CCDC3: variants seen among roughly 807,000 people sequenced by gnomAD.
CCDC3 encodes coiled-coil domain-containing protein 3.
In CCDC3, 24 loss-of-function variants were observed where a neutral mutation model predicts 21.4. That is an observed-to-expected ratio of 1.12 (90% CI 0.81 to 1.58). The LOEUF is 1.58. Ranked by LOEUF, CCDC3 falls within the 40% of genes most tolerant of loss-of-function variation. The pLI is 0.00. For missense variants in CCDC3, 425 were observed against 360.9 expected (o/e 1.18, Z -1.44); for synonymous variants, 186 against 166.0 (o/e 1.12, Z -0.93).
chr10:13,077,922 G>A (rs1351350304), intron 3 of CCDC3, among the ~76,000 whole-genome samples: 1 of 152,080 alleles, frequency 6.6e-6, no homozygotes, highest in African/African-American at 2.4e-5. Flanking sequence ...GAAAACCTAG[G>A]CAATACCATT....
intron 2 of CCDC3, among the ~76,000 whole-genome samples, chr10:12,973,264 G>T (rs1406444924): frequency 6.6e-6 from 1 of 152,148 alleles, no homozygotes; most frequent in Non-Finnish European, 1.5e-5. Context: ...CAATATCACA[G>T]CATGGTGCAG....
At chr10:12,984,011 CAG>C (rs1220022661) in intron 2 of CCDC3, among the ~76,000 whole-genome samples, 1 of 152,128 alleles carries the variant, frequency 6.6e-6, no homozygotes, top group Non-Finnish European at 1.5e-5. Context: ...CCCCGGGAGA[CAG>C]AGGCTGCATT....
At chr10:12,941,392 A>G (rs955868470) in intron 2 of CCDC3, among the ~76,000 whole-genome samples, 6 of 152,172 alleles carry the variant, frequency 3.9e-5, no homozygotes, top group Admixed American at 1.3e-4. Context: ...TTATTCTTGT[A>G]CTTTCTTTCA....
At position 13,084,751 on chromosome 10, in the gene CCDC3, A is replaced by G. The variant is rs533617345; in HGVS notation, c.-502-10651T>C. On this transcript the variant is annotated intron_variant, in intron 3 of 6. Transcript: ENST00000378839. ...TGAGATGCCCAGAAAGTTGCCAGCA[A>G]TCAGTGGATTACAGAGGTCTGAAGA... Among the ~76,000 whole-genome samples the G allele has an allele frequency of 2.0e-5, 3 of 152,278 alleles. No individual in the cohort carries two copies. In the South Asian group the frequency reaches 6.2e-4, roughly 32 times the overall value.
rs185982279 is a variant in CCDC3 at position 12,931,256 on chromosome 10, C to T, written c.550-32577G>A. Among the ~76,000 whole-genome samples, 253 of 150,452 alleles carry T rather than the reference C, an allele frequency of 1.7e-3. 1 individual carries two copies. The highest frequency in any genetic ancestry group is 5.8e-3 in the African/African-American group (239 of 40,874). On this transcript the variant is annotated intron_variant, in intron 2 of 2. Transcript: ENST00000378825. ...AAAATTAAAGCTCTGACAAGTCTGCCGTATTCATAAGACTTTAGGAATGGT... is the reference window on the plus strand; with the variant it reads ...AAAATTAAAGCTCTGACAAGTCTGCTGTATTCATAAGACTTTAGGAATGGT...
chr10:13,054,118 C>G (rs2782289), intron 4 of CCDC3, among the ~76,000 whole-genome samples: 40,707 of 144,108 alleles, frequency 0.28, 5,855 homozygotes, highest in Admixed American at 0.34. Flanking sequence ...GCACTCTGGC[C>G]TGGGTGACAG....
At chr10:13,080,523 G>A (rs1462231343) in intron 3 of CCDC3, among the ~76,000 whole-genome samples, 2 of 151,972 alleles carry the variant, frequency 1.3e-5, no homozygotes, top group Middle Eastern at 3.2e-3. Flanking sequence ...TTATAAGGAG[G>A]CATAAGAATA....
At chr10:12,932,872 A>G (rs1271000419) in intron 2 of CCDC3, among the ~76,000 whole-genome samples, 1 of 152,182 alleles carries the variant, frequency 6.6e-6, no homozygotes, top group African/African-American at 2.4e-5. Flanking sequence ...TCTCATTAAC[A>G]GGTTTTAGAT....
intron 2 of CCDC3, among the ~76,000 whole-genome samples, chr10:12,908,606 AT>A (rs1474019210): frequency 1.6e-5 from 2 of 121,798 alleles, no homozygotes; most frequent in African/African-American, 3.5e-5. Flanking sequence ...AAGAACTGTG[AT>A]TTTTCTTTTT....
At chr10:12,916,237 G>C (rs11258061) in intron 2 of CCDC3, among the ~76,000 whole-genome samples, 11 of 152,242 alleles carry the variant, frequency 7.2e-5, no homozygotes, top group South Asian at 4.2e-4. Flanking sequence ...ATTGAGACCA[G>C]CCTGGCCAAC....
At chr10:13,025,119 C>T (rs555697377) in intron 5 of CCDC3, among the ~76,000 whole-genome samples, 149 of 152,296 alleles carry the variant, frequency 9.8e-4, no homozygotes, top group African/African-American at 3.5e-3. Context: ...GGGGTTATTA[C>T]ACTTCACATA....
intron 5 of CCDC3, among the ~76,000 whole-genome samples, chr10:13,020,848 CA>C (rs901718364): frequency 1.3e-5 from 2 of 151,194 alleles, no homozygotes; most frequent in South Asian, 2.1e-4. Context: ...AAAGTTTTCA[CA>C]AAAAAAACTT....
intron 2 of CCDC3, among the ~76,000 whole-genome samples, chr10:12,938,239 A>C (rs1468809183): frequency 6.6e-6 from 1 of 152,058 alleles, no homozygotes; most frequent in Admixed American, 6.5e-5. Context: ...AAGCCATCTA[A>C]CTGTATCACC....
intron 2 of CCDC3, among the ~76,000 whole-genome samples, chr10:12,930,631 C>T (rs181994408): frequency 3.3e-5 from 5 of 152,276 alleles, no homozygotes; most frequent in African/African-American, 9.6e-5. Flanking sequence ...CAACCGGTGG[C>T]AATGTCATTG....
chr10:12,990,263 CAAA>C (rs61700228), intron 2 of CCDC3, among the ~76,000 whole-genome samples: 9 of 99,742 alleles, frequency 9.0e-5, no homozygotes, highest in Non-Finnish European at 4.3e-5. Flanking sequence ...CCGTCTCAAC[CAAA>C]AAAAAAAAAA....
rs117760499 is a variant in CCDC3 at position 12,950,567 on chromosome 10, G to A, written c.549+47771C>T. Among the ~76,000 whole-genome samples the A allele has an allele frequency of 3.0e-3, 459 of 152,300 alleles. 14 individuals are homozygous for A. In the East Asian group the frequency reaches 0.057, roughly 19 times the overall value. On this transcript the variant is annotated intron_variant, in intron 2 of 2. Coordinates refer to ENST00000378825, the MANE Select transcript of CCDC3 (RefSeq NM_031455.4). ...GTTCTCTACTGAAACAACATGAAAT[G>A]CTTTCATACTTTGGGGTTGGTGACC...
At chr10:13,057,843 G>T (rs519279) in intron 4 of CCDC3, 118,222 of 359,968 alleles carry the variant, frequency 0.33, 20,680 homozygotes, top group African/African-American at 0.4. Flanking sequence ...ATCCCGCCAT[G>T]GTACTCCAGC....
At chr10:13,094,255 GAT>G (rs1832607444) in intron 3 of CCDC3, among the ~76,000 whole-genome samples, 1 of 140,544 alleles carries the variant, frequency 7.1e-6, no homozygotes, top group Non-Finnish European at 1.5e-5. Context: ...TGATGATGAT[GAT>G]GATGATGATG....
chr10:13,034,284 T>C (rs1038043889), intron 5 of CCDC3, among the ~76,000 whole-genome samples: 9 of 138,066 alleles, frequency 6.5e-5, no homozygotes, highest in African/African-American at 2.5e-4. Flanking sequence ...TAGGTGGGAA[T>C]TGAACAATGA....
Sources: gnomAD v4.1 joint callset for allele counts (sites outside exome capture counted in the v4.1 genomes callset) on GRCh38, gnomAD v4.1.1 for gene constraint, MANE v1.5 for transcripts, NCBI Gene and HGNC (gene_info 2026-07-23, HGNC 2026-07-21) for gene names.